Variants in NRBP1 observed in about 807,000 individuals in gnomAD.
NRBP1 encodes the protein nuclear receptor-binding protein.
In NRBP1, 10 loss-of-function variants were observed where a neutral mutation model predicts 76.0. That is an observed-to-expected ratio of 0.13 (90% CI 0.08 to 0.22). The LOEUF is 0.22. Ranked by LOEUF, NRBP1 falls within the 10% of genes least tolerant of loss-of-function variation. The probability of loss-of-function intolerance (pLI) is 1.00; values close to 1 mark genes in which losing one functional copy is unlikely to be tolerated. For synonymous variants in NRBP1, 235 were observed against 240.2 expected, an observed-to-expected ratio of 0.98 and a Z score of 0.20; for missense variants, 344 against 646.0, an observed-to-expected ratio of 0.53 and a Z score of 5.07.
chr2:27,439,237 C>T (rs923274770), intron 10 of NRBP1, among the ~76,000 whole-genome samples: 3 of 151,926 alleles, frequency 2.0e-5, no homozygotes, highest in South Asian at 2.1e-4. Flanking sequence ...CCTGTAATAC[C>T]GGCACTTTGG....
chr2:27,440,578 A>G (rs1664500914), intron 12 of NRBP1, 70 bp downstream of exon 12: 18 of 1,604,840 alleles, frequency 1.1e-5, no homozygotes, highest in Non-Finnish European at 8.5e-6. Context: ...TAAACTGTCC[A>G]TTCTCTGGGA....
At chr2:27,436,158 A>G (rs1664298260) in intron 7 of NRBP1, 1 of 283,090 alleles carries the variant, frequency 3.5e-6, no homozygotes, top group African/African-American at 2.1e-5. Flanking sequence ...GTTTTGGTGG[A>G]TTAAAAGTGG....
At chr2:27,437,440 A>T in intron 10 of NRBP1, 80 bp downstream of exon 10, 1 of 1,016,420 alleles carries the variant, frequency 9.8e-7, no homozygotes, top group Non-Finnish European at 1.5e-6. Flanking sequence ...CCCACTGGGT[A>T]TATGCTCCTA....
Position 27,442,162 on chromosome 2 carries a change from C to A in NRBP1, c.*350C>A, listed in dbSNP as rs1351996001. 4 of 529,884 alleles carry A rather than the reference C, an allele frequency of 7.5e-6. No homozygotes were observed. The East Asian group carries it at 1.3e-4, about 17-fold the overall frequency. The allele number at this position is 529,884 out of a possible 1,614,324, so 32.8% of individuals were successfully genotyped here. A position where few individuals can be genotyped will look rare whatever the true frequency, so the allele number is the denominator to read the frequency against. On this transcript the variant is annotated 3_prime_UTR_variant, in exon 18 of 18. Transcript: ENST00000379852. ...AATTCTACAATCCCGCTGGGGCGGC[C>A]GGGGCGGGAGAGAAAGGTGGTGCTG...
chr2:27,439,378 G>A (rs1278493195), intron 10 of NRBP1, among the ~76,000 whole-genome samples: 8 of 151,718 alleles, frequency 5.3e-5, no homozygotes, highest in African/African-American at 1.9e-4. Context: ...CCAGCTACTC[G>A]GGAGGCTGAG....
At chr2:27,433,160 T>G in intron 1 of NRBP1, 94 bp from the exon 2 acceptor site, 1 of 860,300 alleles carries the variant, frequency 1.2e-6, no homozygotes. Context: ...ATTACAGGCA[T>G]GAGCCACCAC....
Position 27,441,833 on chromosome 2 carries a change from TG to T in NRBP1, c.*22del, listed in dbSNP as rs768296717. On this transcript the variant is annotated 3_prime_UTR_variant, in exon 18 of 18. Transcript: ENST00000379852. ...CTTAGAGCTCACTCGGGCCAGGCCC[TG>T]ATCTGCGCTGTGGCTGTCCCTGGAC... is the stretch of plus-strand genomic sequence containing the variant. 2.0e-6 allele frequency: 3 copies of T among 1,477,494 alleles called. No individual in the cohort carries two copies. Among genetic ancestry groups the T allele is most frequent in the Non-Finnish European group, 2.8e-6 (3 of 1,060,040 alleles). The allele number at this position is 1,477,494 out of a possible 1,614,324, so 91.5% of individuals were successfully genotyped here.
At chr2:27,430,678 T>C (rs1225938210) in intron 1 of NRBP1, among the ~76,000 whole-genome samples, 1 of 151,998 alleles carries the variant, frequency 6.6e-6, no homozygotes, top group East Asian at 1.9e-4. Flanking sequence ...CAGGCTGGTC[T>C]CGAACTCTTG....
chr2:27,431,295 AT>A (rs973015905), intron 1 of NRBP1, among the ~76,000 whole-genome samples: 1 of 152,132 alleles, frequency 6.6e-6, no homozygotes, highest in African/African-American at 2.4e-5. Flanking sequence ...GTGAGACTCC[AT>A]CCCCTCTGCC....
chr2:27,438,057 T>TTCCCTC (rs1664382374), intron 10 of NRBP1, among the ~76,000 whole-genome samples: 1 of 148,762 alleles, frequency 6.7e-6, no homozygotes, highest in Non-Finnish European at 1.5e-5. Flanking sequence ...CATGGTGGTG[T>TTCCCTC]GTGCCTGTAG....
rs555924849 is a variant in NRBP1 at position 27,428,741 on chromosome 2, C to T, written c.-21+10C>T. ...GGCGCGGAGTCGGGAGGTGAGCGCC[C>T]AGGGAAAAGAGGGCCCGGGAGGGAG... On this transcript the variant is annotated intron_variant, in intron 1 of 17. Transcript: ENST00000379852. 1.5e-3 allele frequency: 604 copies of T among 397,590 alleles called. 2 individuals carry two copies. Among genetic ancestry groups the T allele is most frequent in the African/African-American group, 0.011 (548 of 48,502 alleles). 24.6% of individuals were successfully genotyped at this position (397,590 alleles called of 1,614,324 possible). A position where few individuals can be genotyped will look rare whatever the true frequency, so the allele number is the denominator to read the frequency against.
At chr2:27,436,063 C>A (rs1202329765) in intron 7 of NRBP1, 1 of 483,514 alleles carries the variant, frequency 2.1e-6, no homozygotes, top group Admixed American at 3.3e-5. Context: ...CTGAGTGAGT[C>A]CAAATTGGGC....
intron 10 of NRBP1, among the ~76,000 whole-genome samples, chr2:27,439,484 C>CA (rs70953858): frequency 0.11 from 7,159 of 66,116 alleles, 652 homozygotes; most frequent in African/African-American, 0.26. Flanking sequence ...GACTCCGTCT[C>CA]AAAAAAAAAA....
intron 1 of NRBP1, chr2:27,429,119 G>GGTGCGCAGACTGCGCGGGGGC (rs1663999281): frequency 6.4e-6 from 1 of 155,846 alleles, no homozygotes; most frequent in Admixed American, 6.5e-5. Context: ...CTCGCGGGGA[G>GGTGCGCAGACTGCGCGGGGGC]GTGCGCAGAC....
intron 14 of NRBP1, 43 bp downstream of exon 14, chr2:27,440,983 G>C: frequency 2.5e-6 from 4 of 1,612,178 alleles, no homozygotes; most frequent in Non-Finnish European, 3.4e-6. Context: ...GGTTGTGGTG[G>C]AAGGGAGAGA....
At chr2:27,437,149 G>T in intron 9 of NRBP1, 44 bp downstream of exon 9, 2 of 1,600,498 alleles carry the variant, frequency 1.2e-6, no homozygotes, top group South Asian at 2.2e-5. Context: ...CAGATGAGAA[G>T]ATGGAATTGG....
Position 27,441,254 on chromosome 2 carries a change from T to G in NRBP1, c.1384-13T>G, listed in dbSNP as rs769593449. 2 of 1,614,062 alleles carry G rather than the reference T, an allele frequency of 1.2e-6. No individual in the cohort carries two copies. The highest frequency in any genetic ancestry group is 1.7e-6 in the Non-Finnish European group (2 of 1,179,982). ...GAAGAAAAGTCTCATTTTCTGACTGTCCTATTCTCCAGCTGACACTTCTGC... is the reference window on the plus strand; with the variant it reads ...GAAGAAAAGTCTCATTTTCTGACTGGCCTATTCTCCAGCTGACACTTCTGC... On this transcript the variant is annotated splice_polypyrimidine_tract_variant and intron_variant, in intron 15 of 17. Transcript: ENST00000379852.
chr2:27,436,256 G>T (rs946042692), intron 7 of NRBP1: 2 of 209,406 alleles, frequency 9.6e-6, no homozygotes, highest in Non-Finnish European at 1.9e-5. Flanking sequence ...CTCCTGAGCT[G>T]TATGTTAATA....
At position 27,440,432 on chromosome 2, in the gene NRBP1, A is replaced by G; in HGVS notation, c.1066A>G (p.Ile356Val). 2.5e-6 allele frequency: 4 copies of G among 1,613,864 alleles called. No individual in the cohort carries two copies. Among genetic ancestry groups the G allele is most frequent in the Non-Finnish European group, 3.4e-6 (4 of 1,179,820 alleles). The part of the protein sequence containing the change: ...HMIPENALEE[I>V]TKNMDTSAVL... ...GATCCCAGAGAACGCTCTAGAGGAG[A>G]TCACCAAAAACATGGATACTAGTGC... Residue 356 changes from isoleucine (I) to valine (V), a missense_variant, in exon 12 of 18, where the codon ATC becomes GTC. Around this residue, in one of 3 missense-constraint regions of NRBP1, gnomAD observed 218 missense variants for 309.8 expected, o/e 0.70. Coordinates refer to ENST00000379852, the MANE Select transcript of NRBP1 (RefSeq NM_013392.4).
Sources: allele counts gnomAD v4.1 joint callset (sites outside exome capture counted in the v4.1 genomes callset), GRCh38; gene constraint gnomAD v4.1.1; regional missense constraint gnomAD v4.1.1; transcripts MANE v1.5; gene names NCBI Gene and HGNC (gene_info 2026-07-23, HGNC 2026-07-21).